GOLGA4: variants seen among roughly 807,000 people sequenced by gnomAD.
GOLGA4 encodes golgin subfamily A member 4.
Under a neutral mutation model 265.9 loss-of-function variants are expected in GOLGA4, and 169 were observed. The ratio of observed to expected loss-of-function variants is 0.64; its 90% CI spans 0.56 to 0.72. GOLGA4 has a LOEUF of 0.72. Among genes scored for constraint, GOLGA4 ranks in the 30% least tolerant of loss-of-function variants. The probability of loss-of-function intolerance (pLI) is 0.00; values close to 1 mark genes in which losing one functional copy is unlikely to be tolerated. For synonymous variants in GOLGA4, 923 were observed against 855.8 expected (o/e 1.08, Z -1.37); for missense variants, 2,482 against 2,483.4 (o/e 1.00, Z 0.01).
chr3:37,331,030 C>CAA (rs1205353359), intron 16 of GOLGA4, among the ~76,000 whole-genome samples: 28 of 63,022 alleles, frequency 4.4e-4, no homozygotes, highest in South Asian at 5.9e-4. Flanking sequence ...GACTCCGTCT[C>CAA]AAAAAAAAAA....
chr3:37,314,939 AGTT>A (rs987570410), intron 10 of GOLGA4, among the ~76,000 whole-genome samples: 43 of 152,358 alleles, frequency 2.8e-4, no homozygotes, highest in African/African-American at 1.0e-3. Flanking sequence ...ATAGTTAAGA[AGTT>A]TTTAAAAATA....
At chr3:37,331,511 C>T (rs1041301358) in intron 16 of GOLGA4, among the ~76,000 whole-genome samples, 2 of 152,166 alleles carry the variant, frequency 1.3e-5, no homozygotes, top group African/African-American at 4.8e-5. Flanking sequence ...TGATTCAAAT[C>T]CATATTCTCT....
At chr3:37,311,749 ATTG>A in intron 10 of GOLGA4, among the ~76,000 whole-genome samples, 1 of 152,328 alleles carries the variant, frequency 6.6e-6, no homozygotes, top group East Asian at 1.9e-4. Context: ...TCCTACTTTC[ATTG>A]TTGTATGATG....
At chr3:37,318,347 C>G (rs1158520781) in intron 11 of GOLGA4, among the ~76,000 whole-genome samples, 1 of 152,084 alleles carries the variant, frequency 6.6e-6, no homozygotes, top group Non-Finnish European at 1.5e-5. Context: ...ATGCCCCACC[C>G]ATATTATCTT....
Position 37,291,532 on chromosome 3 carries a change from C to T in GOLGA4, c.582+2241C>T, listed in dbSNP as rs112391703. On this transcript the variant is annotated intron_variant, in intron 5 of 23. Transcript: ENST00000361924. ...ACTTAGCTAGCAGGCCCCAGCCTTA[C>T]TCATCTACTCAGTTGCAGCTGTTGA... 3.4e-3 allele frequency among the ~76,000 whole-genome samples: 515 copies of T among 152,320 alleles called. 4 individuals are homozygous for T. The highest frequency in any genetic ancestry group is 0.012 in the African/African-American group (501 of 41,558).
chr3:37,327,861 G>C (rs766659391), intron 14 of GOLGA4, 36 bp downstream of exon 14: 1 of 1,511,076 alleles, frequency 6.6e-7, no homozygotes, highest in Non-Finnish European at 9.0e-7. Context: ...TTTTATGGCA[G>C]TCCTTCTTAA....
intron 1 of GOLGA4, among the ~76,000 whole-genome samples, chr3:37,245,122 A>G (rs2096715426): frequency 1.3e-5 from 2 of 152,262 alleles, no homozygotes; most frequent in Non-Finnish European, 2.9e-5. Flanking sequence ...GTCCAACAAT[A>G]GAGAATTGGT....
chr3:37,262,668 G>A (rs79887975), intron 2 of GOLGA4, among the ~76,000 whole-genome samples: 5,845 of 151,850 alleles, frequency 0.038, 142 homozygotes, highest in African/African-American at 0.056. Flanking sequence ...TTTGGGAGGC[G>A]GAGGCAGGTG....
chr3:37,329,209 TGAC>T, intron 16 of GOLGA4, 116 bp downstream of exon 16: 1 of 760,180 alleles, frequency 1.3e-6, no homozygotes. Flanking sequence ...TTTTTTTTTT[TGAC>T]TCAATATTAT....
At chr3:37,261,465 A>T (rs2096769676) in intron 2 of GOLGA4, among the ~76,000 whole-genome samples, 1 of 152,224 alleles carries the variant, frequency 6.6e-6, no homozygotes, top group South Asian at 2.1e-4. Context: ...AGCCATTTTC[A>T]ACTAGGGTTT....
At position 37,257,993 on chromosome 3, in the gene GOLGA4, ATATG is replaced by A. The variant is rs1369069303; in HGVS notation, c.162+6513_162+6516del. Reference sequence around the variant, plus strand: ...TACATACATATATATATGTATGTATATATGTATATATACATACATATATATATGT... The same window carrying A: ...TACATACATATATATATGTATGTATATATATATACATACATATATATATGT... On this transcript the variant is annotated intron_variant, in intron 2 of 23. Transcript: ENST00000361924. Among the ~76,000 whole-genome samples the A allele has an allele frequency of 3.0e-4, 17 of 57,118 alleles. 1 individual carries two copies. The highest frequency in any genetic ancestry group is 5.8e-4 in the Non-Finnish European group (15 of 25,850). 37.5% of individuals were successfully genotyped at this position (57,118 alleles called of 152,430 possible).
chr3:37,327,417 A>G lies in GOLGA4; in HGVS notation c.5531A>G (p.Glu1844Gly), dbSNP rs547716636. 3 of 1,613,994 alleles carry G rather than the reference A, an allele frequency of 1.9e-6. No homozygotes were observed. Among genetic ancestry groups the G allele is most frequent in the East Asian group, 4.5e-5 (2 of 44,888 alleles). ...VFDDVQKTLQ[E>G]KELTCQILEQ... ...GACGACGTCCAGAAAACCCTCCAGG[A>G]GAAGGAACTAACCTGTCAGATTTTG... The change falls in exon 14 of 24, where the codon GAG (glutamate) becomes GGG (glycine). Residue 1844 changes from glutamate to glycine, a missense_variant. Physicochemically the swap from Glu to Gly is moderately conservative, Grantham distance 98 (BLOSUM62 -2). Coordinates refer to ENST00000361924, the MANE Select transcript of GOLGA4 (RefSeq NM_002078.5).
chr3:37,286,915 CATCCTGTTTGCT>C (rs2096851019), intron 4 of GOLGA4, among the ~76,000 whole-genome samples: 1 of 152,208 alleles, frequency 6.6e-6, no homozygotes, highest in African/African-American at 2.4e-5. Flanking sequence ...CCCACTATGT[CATCCTGTTTGCT>C]TGTGTTTCTA....
intron 10 of GOLGA4, among the ~76,000 whole-genome samples, chr3:37,313,965 ATTT>A (rs747977743): frequency 7.0e-6 from 1 of 143,376 alleles, no homozygotes; most frequent in Non-Finnish European, 1.5e-5. Flanking sequence ...ACACACATGT[ATTT>A]TTTTTTTTTT....
At chr3:37,295,182 C>T in intron 6 of GOLGA4, 105 bp downstream of exon 6, 1 of 580,180 alleles carries the variant, frequency 1.7e-6, no homozygotes, top group African/African-American at 2.0e-5. Context: ...TTTTTTAAGA[C>T]CTATTTTTAA....
At chr3:37,360,366 C>A (rs114110231) in intron 22 of GOLGA4, among the ~76,000 whole-genome samples, 2,188 of 152,260 alleles carry the variant, frequency 0.014, 70 homozygotes, top group African/African-American at 0.05. Flanking sequence ...CATCCATATA[C>A]ATGGATTTTG....
chr3:37,286,927 TTGTG>T (rs1203145845), intron 4 of GOLGA4, among the ~76,000 whole-genome samples: 2 of 152,228 alleles, frequency 1.3e-5, no homozygotes, highest in Non-Finnish European at 2.9e-5. Context: ...TCCTGTTTGC[TTGTG>T]TTTCTATGCA....
At chr3:37,361,204 A>C (rs1434260308) in intron 22 of GOLGA4, 39 bp from the exon 23 acceptor site, 9 of 1,497,902 alleles carry the variant, frequency 6.0e-6, no homozygotes, top group Non-Finnish European at 7.4e-6. Flanking sequence ...TAAGTCTTAA[A>C]ACTAACCCAA....
chr3:37,365,040 C>T (rs1363287300), intron 23 of GOLGA4, among the ~76,000 whole-genome samples: 2 of 152,108 alleles, frequency 1.3e-5, no homozygotes, highest in Non-Finnish European at 2.9e-5. Flanking sequence ...GGACTACAGA[C>T]ACACACCATC....
Sources: allele counts gnomAD v4.1 joint callset (sites outside exome capture counted in the v4.1 genomes callset), GRCh38; gene constraint gnomAD v4.1.1; transcripts MANE v1.5; gene names NCBI Gene and HGNC (gene_info 2026-07-23, HGNC 2026-07-21).